The following NAALADL2 variants were observed in gnomAD, a reference collection of about 807,000 sequenced individuals.
NAALADL2 encodes inactive N-acetylated-alpha-linked acidic dipeptidase-like protein 2.
NAALADL2 carries 76 observed loss-of-function variants against 87.2 expected under a neutral mutation model. The ratio of observed to expected loss-of-function variants is 0.87; its 90% CI spans 0.72 to 1.05. The LOEUF (loss-of-function observed/expected upper bound fraction) is 1.05, where lower values mean the gene tolerates loss of function less well. Among genes scored for constraint, NAALADL2 ranks in the 50% least tolerant of loss-of-function variants. The pLI, the probability that NAALADL2 is intolerant of heterozygous loss-of-function variation, is 0.00. For synonymous variants in NAALADL2, 354 were observed against 331.0 expected (o/e 1.07, Z -0.75); for missense variants, 1,089 against 945.8 (o/e 1.15, Z -1.99).
intron 1 of NAALADL2, among the ~76,000 whole-genome samples, chr3:174,459,969 A>G (rs1716103235): frequency 6.6e-6 from 1 of 152,216 alleles, no homozygotes; most frequent in Non-Finnish European, 1.5e-5. Flanking sequence ...TTATGAGAAC[A>G]TAAATACATG....
rs1296348726 is a variant in NAALADL2, at chr3:174,880,879, G to T, written c.43+21429G>T. The stretch of plus-strand genomic sequence containing the variant: ...AGATCCATATTGAGGCTCTGAGGAA[G>T]AATCTATATCATGCCCCTTCTCTTA... On this transcript the variant is annotated intron_variant, in intron 1 of 13. Transcript: ENST00000454872. Among the ~76,000 whole-genome samples the T allele has an allele frequency of 2.6e-5, 4 of 152,096 alleles. No individual in the cohort carries two copies. The East Asian group carries it at 7.7e-4, about 29-fold the overall frequency.
chr3:175,361,446 A>G lies in NAALADL2; in HGVS notation c.1090+37121A>G, dbSNP rs1280577799. ...AGATCCTTGAGGAATCGCCACACTGACTTCCACAATGGTTGAACTAGTTTA... is the reference window on the plus strand; with the variant it reads ...AGATCCTTGAGGAATCGCCACACTGGCTTCCACAATGGTTGAACTAGTTTA... On this transcript the variant is annotated intron_variant, in intron 5 of 13. Coordinates refer to ENST00000454872, the MANE Select transcript of NAALADL2 (RefSeq NM_207015.3). 4.7e-5 allele frequency among the ~76,000 whole-genome samples: 7 copies of G among 148,054 alleles called. 1 individual carries two copies. The highest frequency in any genetic ancestry group is 2.8e-4 in the Admixed American group (4 of 14,484).
At chr3:175,158,437 T>C (rs1201505731) in intron 2 of NAALADL2, among the ~76,000 whole-genome samples, 1 of 152,064 alleles carries the variant, frequency 6.6e-6, no homozygotes, top group Non-Finnish European at 1.5e-5. Flanking sequence ...GATGATACAG[T>C]GCATTTTTCA....
At chr3:174,558,456 C>T (rs1713138997) in intron 2 of NAALADL2, among the ~76,000 whole-genome samples, 1 of 151,916 alleles carries the variant, frequency 6.6e-6, no homozygotes, top group Admixed American at 6.6e-5. Context: ...CAGTGGGAGC[C>T]CTGAGCTTGT....
chr3:175,657,959 T>A (rs1731726626), intron 11 of NAALADL2, among the ~76,000 whole-genome samples: 1 of 151,882 alleles, frequency 6.6e-6, no homozygotes, highest in East Asian at 1.9e-4. Flanking sequence ...ATGAACTTAA[T>A]CTAATATGTA....
intron 3 of NAALADL2, among the ~76,000 whole-genome samples, chr3:174,758,017 A>G (rs1429526509): frequency 3.3e-5 from 5 of 152,226 alleles, no homozygotes; most frequent in Non-Finnish European, 7.3e-5. Context: ...CAAGGGAGTG[A>G]AAAGGCTCAT....
intron 10 of NAALADL2, among the ~76,000 whole-genome samples, chr3:175,604,885 A>G (rs1034853494): frequency 2.6e-5 from 4 of 152,206 alleles, no homozygotes; most frequent in African/African-American, 9.7e-5. Context: ...GGGCTACTGC[A>G]ATAGTCTAGG....
intron 2 of NAALADL2, among the ~76,000 whole-genome samples, chr3:174,588,093 C>T (rs1433480578): frequency 6.6e-6 from 1 of 151,788 alleles, no homozygotes; most frequent in South Asian, 2.1e-4. Flanking sequence ...TTTCTGTAAA[C>T]TTCTCTTCTC....
At chr3:174,565,946 A>C (rs978652847) in intron 2 of NAALADL2, among the ~76,000 whole-genome samples, 1 of 151,738 alleles carries the variant, frequency 6.6e-6, no homozygotes, top group Non-Finnish European at 1.5e-5. Flanking sequence ...GACTATTGTT[A>C]TTTGTCTATG....
At chr3:174,979,461 A>G (rs1465073358) in intron 1 of NAALADL2, among the ~76,000 whole-genome samples, 2 of 150,990 alleles carry the variant, frequency 1.3e-5, no homozygotes, top group African/African-American at 4.9e-5. Flanking sequence ...TCCTGCCACC[A>G]CGCCCGGCTA....
intron 6 of NAALADL2, among the ~76,000 whole-genome samples, chr3:175,462,413 C>T (rs969648182): frequency 5.3e-5 from 8 of 152,062 alleles, no homozygotes; most frequent in African/African-American, 1.4e-4. Flanking sequence ...ATTCAGTATA[C>T]GGATTTTCCA....
intron 3 of NAALADL2, among the ~76,000 whole-genome samples, chr3:175,245,658 G>A (rs1381900935): frequency 6.6e-6 from 1 of 152,112 alleles, no homozygotes; most frequent in Non-Finnish European, 1.5e-5. Context: ...TTTTCAGCAA[G>A]TGTACATACT....
At chr3:175,689,943 C>A (rs1181022870) in intron 11 of NAALADL2, among the ~76,000 whole-genome samples, 1 of 152,068 alleles carries the variant, frequency 6.6e-6, no homozygotes, top group Admixed American at 6.6e-5. Flanking sequence ...TTATTACCAA[C>A]TGCATTTAAT....
At chr3:174,817,620 T>A (rs1380267398) in intron 3 of NAALADL2, among the ~76,000 whole-genome samples, 4 of 152,156 alleles carry the variant, frequency 2.6e-5, no homozygotes, top group Admixed American at 6.6e-5. Flanking sequence ...AAATAATTTT[T>A]AAAAAATTTA....
intron 4 of NAALADL2, among the ~76,000 whole-genome samples, chr3:175,288,330 A>T (rs568562506): frequency 6.6e-6 from 1 of 152,318 alleles, no homozygotes; most frequent in Admixed American, 6.5e-5. Flanking sequence ...TAATGAGAAC[A>T]ATATGCTTTA....
At chr3:175,665,882 G>C (rs1285371407) in intron 11 of NAALADL2, among the ~76,000 whole-genome samples, 6 of 152,074 alleles carry the variant, frequency 3.9e-5, no homozygotes, top group Non-Finnish European at 8.8e-5. Context: ...AGTGAGCCAA[G>C]ATCGCGCCAC....
intron 3 of NAALADL2, among the ~76,000 whole-genome samples, chr3:174,813,527 T>C (rs1720453821): frequency 6.6e-6 from 1 of 152,206 alleles, no homozygotes; most frequent in Non-Finnish European, 1.5e-5. Flanking sequence ...GTAGTTTAGG[T>C]AGTTAGTAAG....
intron 5 of NAALADL2, among the ~76,000 whole-genome samples, chr3:175,324,798 T>A (rs921570154): frequency 1.3e-5 from 2 of 152,184 alleles, no homozygotes; most frequent in South Asian, 2.1e-4. Context: ...TTTAATATGA[T>A]TTTCTGGCTG....
chr3:174,924,653 G>T lies in NAALADL2; in HGVS notation c.43+65203G>T, dbSNP rs563487192. Among the ~76,000 whole-genome samples the T allele has an allele frequency of 4.6e-5, 7 of 152,252 alleles. No homozygotes were observed. The South Asian group carries it at 1.5e-3, about 32-fold the overall frequency. On this transcript the variant is annotated intron_variant, in intron 1 of 13. Coordinates refer to ENST00000454872, the MANE Select transcript of NAALADL2 (RefSeq NM_207015.3). ...AATCGCCACACTGTCTTCCACAATGGTTGAACCAGTTTACAGTCCCACCAA... is the reference window on the plus strand; with the variant it reads ...AATCGCCACACTGTCTTCCACAATGTTTGAACCAGTTTACAGTCCCACCAA...
Sources: gnomAD v4.1 joint callset for allele counts (sites outside exome capture counted in the v4.1 genomes callset) on GRCh38, gnomAD v4.1.1 for gene constraint, MANE v1.5 for transcripts, NCBI Gene and HGNC (gene_info 2026-07-23, HGNC 2026-07-21) for gene names.